The following ACBD6 variants were observed in gnomAD, a reference collection of about 807,000 sequenced individuals.
ACBD6 encodes the protein acyl-CoA binding domain containing 6.
A neutral mutation model predicts 37.2 loss-of-function variants in ACBD6; 28 were observed. The ratio of observed to expected loss-of-function variants is 0.75; its 90% CI spans 0.56 to 1.03. The LOEUF (loss-of-function observed/expected upper bound fraction) is 1.03. ACBD6 is among the 50% of genes least tolerant of loss of function. The probability of loss-of-function intolerance (pLI) is 0.00; values close to 1 mark genes in which losing one functional copy is unlikely to be tolerated. For synonymous variants in ACBD6, 113 were observed against 126.8 expected (o/e 0.89, Z 0.73); for missense variants, 340 against 337.4 (o/e 1.01, Z -0.06).
chr1:180,460,298 AG>A (rs991342656), intron 3 of ACBD6, among the ~76,000 whole-genome samples: 2 of 152,146 alleles, frequency 1.3e-5, no homozygotes, highest in African/African-American at 4.8e-5. Context: ...TTCCCGGCGT[AG>A]GGGCAGGCTG....
At chr1:180,279,400 G>A (rs1200076082) in intron 9 of ACBD6, among the ~76,000 whole-genome samples, 1 of 152,152 alleles carries the variant, frequency 6.6e-6, no homozygotes, top group African/African-American at 2.4e-5. Context: ...GGGTTCGAGT[G>A]ATTTTCGTGC....
chr1:180,476,868 A>G (rs555536765), intron 3 of ACBD6, among the ~76,000 whole-genome samples: 1 of 152,200 alleles, frequency 6.6e-6, no homozygotes, highest in South Asian at 2.1e-4. Context: ...AAACAAGAAA[A>G]CTCAAAAACA....
At chr1:180,288,684 G>C (rs1223484592) in intron 7 of ACBD6, among the ~76,000 whole-genome samples, 167 bp from the exon 8 acceptor site, 2 of 152,200 alleles carry the variant, frequency 1.3e-5, no homozygotes, top group African/African-American at 2.4e-5. Context: ...GTGGTATTAT[G>C]CTAGATTTTC....
chr1:180,348,642 G>A (rs1422146291), intron 6 of ACBD6, among the ~76,000 whole-genome samples: 1 of 152,224 alleles, frequency 6.6e-6, no homozygotes, highest in Non-Finnish European at 1.5e-5. Flanking sequence ...GAATGCTGAA[G>A]TGTCTGAATA....
rs547079983 is a variant in ACBD6 at position 180,338,355 on chromosome 1, G to A, written c.664-23633C>T. On this transcript the variant is annotated intron_variant, in intron 6 of 7. Coordinates refer to ENST00000367595, the MANE Select transcript of ACBD6 (RefSeq NM_032360.4). The stretch of plus-strand genomic sequence containing the variant: ...ATATGGACCAATGGAACAGAACAGA[G>A]CCCTCAGAAATAATGCCACACATCT... 4.6e-5 allele frequency among the ~76,000 whole-genome samples: 7 copies of A among 152,214 alleles called. No individual in the cohort carries two copies. In the East Asian group the frequency reaches 9.6e-4, roughly 21 times the overall value.
chr1:180,282,848 C>T (rs12058853), intron 8 of ACBD6, among the ~76,000 whole-genome samples: 19 of 151,954 alleles, frequency 1.3e-4, no homozygotes, highest in Non-Finnish European at 2.5e-4. Context: ...GTTCAGAATG[C>T]GCATTAACCA....
intron 7 of ACBD6, among the ~76,000 whole-genome samples, chr1:180,293,250 A>G (rs566120176): frequency 6.6e-6 from 1 of 150,820 alleles, no homozygotes; most frequent in East Asian, 1.9e-4. Context: ...TGAGCTGGGC[A>G]GTGCTCCCTC....
intron 6 of ACBD6, among the ~76,000 whole-genome samples, chr1:180,339,338 A>T (rs192595857): frequency 1.5e-3 from 225 of 152,362 alleles, no homozygotes; most frequent in African/African-American, 5.3e-3. Context: ...ACACCATGGA[A>T]TACTATGCAG....
At chr1:180,455,874 A>G (rs982276205) in intron 3 of ACBD6, among the ~76,000 whole-genome samples, 2 of 152,226 alleles carry the variant, frequency 1.3e-5, no homozygotes, top group Non-Finnish European at 2.9e-5. Flanking sequence ...TTAATTCTTC[A>G]GAAATATAAT....
At chr1:180,353,865 A>C (rs1231713357) in intron 6 of ACBD6, among the ~76,000 whole-genome samples, 1 of 151,910 alleles carries the variant, frequency 6.6e-6, no homozygotes, top group Non-Finnish European at 1.5e-5. Context: ...TAAAGCAAAA[A>C]CATTTTAATA....
intron 3 of ACBD6, among the ~76,000 whole-genome samples, chr1:180,470,557 G>A (rs1428676804): frequency 6.6e-6 from 1 of 152,214 alleles, no homozygotes; most frequent in Non-Finnish European, 1.5e-5. Context: ...TGCATGAAAT[G>A]AGGGCTATCT....
chr1:180,436,894 G>GA (rs1649059875), intron 3 of ACBD6, among the ~76,000 whole-genome samples: 1 of 152,184 alleles, frequency 6.6e-6, no homozygotes, highest in African/African-American at 2.4e-5. Context: ...GTGAAAAACT[G>GA]AAAGCTTTCC....
chr1:180,341,988 C>T (rs1652001713), intron 6 of ACBD6, among the ~76,000 whole-genome samples: 1 of 152,114 alleles, frequency 6.6e-6, no homozygotes, highest in African/African-American at 2.4e-5. Flanking sequence ...TACCACTTCC[C>T]AATCCATTTC....
intron 3 of ACBD6, among the ~76,000 whole-genome samples, chr1:180,485,758 G>A (rs1257962752): frequency 6.6e-6 from 1 of 152,088 alleles, no homozygotes; most frequent in East Asian, 1.9e-4. Flanking sequence ...GAAACGTCTT[G>A]TGCCAAGAAG....
chr1:180,488,763 T>C (rs1002611424), intron 3 of ACBD6, among the ~76,000 whole-genome samples: 1 of 152,030 alleles, frequency 6.6e-6, no homozygotes, highest in African/African-American at 2.4e-5. Context: ...TTTTTTAAAA[T>C]AGAGATGGGG....
At chr1:180,302,594 T>C (rs1315824402) in intron 7 of ACBD6, among the ~76,000 whole-genome samples, 1 of 152,148 alleles carries the variant, frequency 6.6e-6, no homozygotes. Flanking sequence ...TCCCTTTATT[T>C]TGAGCCTATG....
At chr1:180,294,179 G>A (rs904917415) in intron 7 of ACBD6, among the ~76,000 whole-genome samples, 1 of 152,070 alleles carries the variant, frequency 6.6e-6, no homozygotes, top group East Asian at 1.9e-4. Flanking sequence ...ACAGGTGTGA[G>A]CCACCACACC....
At chr1:180,305,309 AGGTAACCTACGGAATG>A (rs1297962498) in intron 7 of ACBD6, among the ~76,000 whole-genome samples, 1 of 152,200 alleles carries the variant, frequency 6.6e-6, no homozygotes, top group Non-Finnish European at 1.5e-5. Context: ...CAGAGTGAAC[AGGTAACCTACGGAATG>A]GGAGAAAATT....
intron 6 of ACBD6, among the ~76,000 whole-genome samples, chr1:180,374,566 A>T (rs1196988687): frequency 8.7e-6 from 1 of 114,708 alleles, no homozygotes; most frequent in Non-Finnish European, 1.9e-5. Flanking sequence ...TTTGGTAAAG[A>T]GCTTCTGTTT....
Sources: gnomAD v4.1 joint callset for allele counts (sites outside exome capture counted in the v4.1 genomes callset) on GRCh38, gnomAD v4.1.1 for gene constraint, MANE v1.5 for transcripts, NCBI Gene and HGNC (gene_info 2026-07-23, HGNC 2026-07-21) for gene names.